Variants in ANKRD29 observed in about 807,000 individuals in gnomAD.
The protein encoded by ANKRD29 is ankyrin repeat domain 29.
Under a neutral mutation model 38.0 loss-of-function variants are expected in ANKRD29, and 32 were observed. The observed-to-expected ratio is 0.84, with a 90% confidence interval of 0.64 to 1.13. The LOEUF (loss-of-function observed/expected upper bound fraction) is 1.13. Among genes scored for constraint, ANKRD29 ranks in the 50% most tolerant of loss-of-function variants. The probability of loss-of-function intolerance (pLI) is 0.00; values close to 1 mark genes in which losing one functional copy is unlikely to be tolerated. For missense variants in ANKRD29, 357 were observed against 377.9 expected (o/e 0.94, Z 0.46); for synonymous variants, 135 against 152.4 (o/e 0.89, Z 0.84).
intron 6 of ANKRD29, among the ~76,000 whole-genome samples, chr18:23,625,683 TTTAA>T (rs1328689070): frequency 6.6e-6 from 1 of 152,196 alleles, no homozygotes; most frequent in Admixed American, 6.5e-5. Flanking sequence ...GATTATTTTA[TTTAA>T]TTATCACAGT....
chr18:23,631,343 C>T (rs895687631), intron 5 of ANKRD29, among the ~76,000 whole-genome samples: 4 of 151,832 alleles, frequency 2.6e-5, no homozygotes, highest in African/African-American at 7.3e-5. Context: ...TCAGCTCAAG[C>T]GATCCTCCCA....
rs146535928 is a variant in ANKRD29, at chr18:23,640,401, G to A, written c.232-1454C>T. 2.8e-3 allele frequency among the ~76,000 whole-genome samples: 422 copies of A among 152,310 alleles called. 3 individuals are homozygous for A. The highest frequency in any genetic ancestry group is 9.7e-3 in the African/African-American group (402 of 41,566). ...GGAAACTCAAGATATTTGGTATAGT[G>A]TTTGGTAAACACTAGCATTCCTTAA... is the stretch of plus-strand genomic sequence containing the variant. On this transcript the variant is annotated intron_variant, in intron 3 of 9. Transcript: ENST00000592179.
chr18:23,649,722 C>CT (rs376579869), intron 1 of ANKRD29, among the ~76,000 whole-genome samples: 1 of 152,008 alleles, frequency 6.6e-6, no homozygotes, highest in East Asian at 1.9e-4. Context: ...ACCTAATTTT[C>CT]TTTTTTTGTT....
At chr18:23,618,593 A>AT (rs1358097314) in intron 7 of ANKRD29, 1 of 152,168 alleles carries the variant, frequency 6.6e-6, no homozygotes, top group African/African-American at 2.4e-5. Context: ...AAAAAATAAA[A>AT]TAAAATCTGC....
intron 4 of ANKRD29, among the ~76,000 whole-genome samples, chr18:23,636,610 C>G (rs1243623469): frequency 6.6e-6 from 1 of 151,784 alleles, no homozygotes; most frequent in Non-Finnish European, 1.5e-5. Context: ...GGGTTTCACT[C>G]TCACCCAGGC....
chr18:23,646,345 C>T (rs545100619), intron 2 of ANKRD29, 58 bp from the exon 3 acceptor site: 25 of 1,491,114 alleles, frequency 1.7e-5, no homozygotes, highest in East Asian at 9.1e-5. Context: ...AGAGAAGGGT[C>T]CTAGAGAAGA....
chr18:23,660,089 T>C (rs1268397566), intron 1 of ANKRD29, among the ~76,000 whole-genome samples: 1 of 152,222 alleles, frequency 6.6e-6, no homozygotes, highest in Non-Finnish European at 1.5e-5. Flanking sequence ...CCAGCCTGGC[T>C]GACAGAGTGA....
rs1488341016 is a variant in ANKRD29 at position 23,646,171 on chromosome 18, G to A, written c.231+18C>T. On this transcript the variant is annotated intron_variant, in intron 3 of 9. Transcript: ENST00000592179. ...TCTGAGCCTGGTCATTTTTCTTCAA[G>A]TGCAAAGCCTGACCTACCTCTCTCT... 11 of 1,612,158 alleles carry A rather than the reference G, an allele frequency of 6.8e-6. No homozygotes were observed. Among genetic ancestry groups the A allele is most frequent in the Non-Finnish European group, 9.3e-6 (11 of 1,178,614 alleles).
intron 9 of ANKRD29, among the ~76,000 whole-genome samples, chr18:23,605,579 T>G (rs1351923165): frequency 3.3e-5 from 5 of 152,054 alleles, no homozygotes; most frequent in African/African-American, 4.8e-5. Context: ...CAGGCTGGAG[T>G]GCAGTGGTGA....
At chr18:23,617,044 C>A (rs1168564309) in intron 8 of ANKRD29, among the ~76,000 whole-genome samples, 1 of 151,836 alleles carries the variant, frequency 6.6e-6, no homozygotes, top group Non-Finnish European at 1.5e-5. Flanking sequence ...TATGGTGAAA[C>A]CCCGTCTCTA....
intron 6 of ANKRD29, among the ~76,000 whole-genome samples, chr18:23,626,568 C>T (rs2059865018): frequency 6.6e-6 from 1 of 152,186 alleles, no homozygotes; most frequent in Non-Finnish European, 1.5e-5. Context: ...TTTCAATGAT[C>T]TCTGTGACTC....
intron 6 of ANKRD29, among the ~76,000 whole-genome samples, chr18:23,621,489 G>C (rs942050230): frequency 1.3e-5 from 2 of 152,086 alleles, no homozygotes; most frequent in Non-Finnish European, 2.9e-5. Flanking sequence ...ACAAAGGATA[G>C]AGGGAAGTGG....
chr18:23,649,579 T>C, intron 1 of ANKRD29: 8 of 481,066 alleles, frequency 1.7e-5, no homozygotes, highest in Non-Finnish European at 3.3e-5. Flanking sequence ...ACTCCAAATC[T>C]TTCCTCACCT....
chr18:23,648,729 G>T (rs2060171734), intron 2 of ANKRD29: 1 of 401,688 alleles, frequency 2.5e-6, no homozygotes, highest in South Asian at 1.3e-4. Context: ...ATCCATGGCA[G>T]CCCACTTGTG....
At chr18:23,650,447 TG>T (rs761674946) in intron 1 of ANKRD29, among the ~76,000 whole-genome samples, 3 of 152,230 alleles carry the variant, frequency 2.0e-5, no homozygotes, top group Non-Finnish European at 4.4e-5. Context: ...CTGGGCCTAC[TG>T]GGTTATTTTA....
chr18:23,602,410 G>T (rs2059525897), intron 9 of ANKRD29, among the ~76,000 whole-genome samples: 1 of 152,048 alleles, frequency 6.6e-6, no homozygotes, highest in Admixed American at 6.6e-5. Context: ...GAAGAGCATT[G>T]GTGGCTAACA....
chr18:23,606,460 T>C (rs2145631999), intron 9 of ANKRD29, among the ~76,000 whole-genome samples: 1 of 152,312 alleles, frequency 6.6e-6, no homozygotes, highest in South Asian at 2.1e-4. Context: ...TGAATTCTTT[T>C]TTAAAATTGT....
At chr18:23,620,637 C>T (rs2059785401) in intron 6 of ANKRD29, among the ~76,000 whole-genome samples, 1 of 152,128 alleles carries the variant, frequency 6.6e-6, no homozygotes, top group Non-Finnish European at 1.5e-5. Flanking sequence ...GTGGAAGAAA[C>T]ATCAGGTCAG....
At chr18:23,627,589 T>C (rs183582837) in intron 6 of ANKRD29, among the ~76,000 whole-genome samples, 48 of 152,314 alleles carry the variant, frequency 3.2e-4, no homozygotes, top group African/African-American at 1.1e-3. Flanking sequence ...TCATGCAACA[T>C]TTGAAATATA....
Sources: gnomAD v4.1 joint callset for allele counts (sites outside exome capture counted in the v4.1 genomes callset) on GRCh38, gnomAD v4.1.1 for gene constraint, MANE v1.5 for transcripts, NCBI Gene and HGNC (gene_info 2026-07-23, HGNC 2026-07-21) for gene names.